CHMP4B: variants seen among roughly 807,000 people sequenced by gnomAD.
CHMP4B encodes charged multivesicular body protein 4B, also known as SNF7 homolog associated with Alix 1.
CHMP4B carries 1 observed loss-of-function variant against 25.1 expected under a neutral mutation model. The observed-to-expected ratio is 0.04, with a 90% CI of 0.01 to 0.19. The LOEUF is 0.19. Ranked by LOEUF, CHMP4B falls within the 10% of genes least tolerant of loss-of-function variation. The pLI, the probability that CHMP4B is intolerant of heterozygous loss-of-function variation, is 1.00. For synonymous variants in CHMP4B, 101 were observed against 115.6 expected, an observed-to-expected ratio of 0.87 and a Z score of 0.81; for missense variants, 151 against 289.7, an observed-to-expected ratio of 0.52 and a Z score of 3.48.
At chr20:33,840,146 T>C (rs1979494935) in intron 1 of CHMP4B, among the ~76,000 whole-genome samples, 1 of 151,832 alleles carries the variant, frequency 6.6e-6, no homozygotes, top group Non-Finnish European at 1.5e-5. Flanking sequence ...CTTGGGAGGC[T>C]GAGGCAGGAG....
At chr20:33,825,930 G>A (rs1457658636) in intron 1 of CHMP4B, among the ~76,000 whole-genome samples, 2 of 152,168 alleles carry the variant, frequency 1.3e-5, no homozygotes, top group Non-Finnish European at 2.9e-5. Context: ...CTAGGGTGGA[G>A]CTGTTTGGTT....
In CHMP4B at chr20:33,850,961, T is replaced by C; in HGVS notation, c.378T>C (p.Asp126=). The C allele has an allele frequency of 3.7e-6, 6 of 1,612,216 alleles. No homozygotes were observed. Among genetic ancestry groups the C allele is most frequent in the Non-Finnish European group, 3.4e-6 (4 of 1,178,254 alleles). ...TCCATTGCATTTGAAGGGACATCGA[T>C]AAAGTTGATGAGTTAATGCAGGACA... The part of the protein sequence containing the change: ...MKAAHDNMDI[D]KVDELMQDIA... Residue 126 remains aspartate, a synonymous_variant, in exon 3 of 5, where the codon GAT becomes GAC. Coordinates refer to ENST00000217402, the MANE Select transcript of CHMP4B (RefSeq NM_176812.5).
chr20:33,823,260 G>A (rs1653044976), intron 1 of CHMP4B, among the ~76,000 whole-genome samples: 1 of 152,044 alleles, frequency 6.6e-6, no homozygotes, highest in Non-Finnish European at 1.5e-5. Context: ...TGTGTGAGTG[G>A]TATTATCCTA....
At chr20:33,833,442 C>T (rs1445313470) in intron 1 of CHMP4B, among the ~76,000 whole-genome samples, 1 of 152,200 alleles carries the variant, frequency 6.6e-6, no homozygotes, top group Non-Finnish European at 1.5e-5. Context: ...AGCCCCTCTG[C>T]TGTGGCCTCA....
At chr20:33,829,455 C>G (rs147245071) in intron 1 of CHMP4B, among the ~76,000 whole-genome samples, 1 of 152,294 alleles carries the variant, frequency 6.6e-6, no homozygotes, top group Non-Finnish European at 1.5e-5. Flanking sequence ...CTTTCTTTGG[C>G]CCCTAGGCTC....
chr20:33,852,512 G>A (rs1334198634), intron 4 of CHMP4B, among the ~76,000 whole-genome samples: 7 of 152,160 alleles, frequency 4.6e-5, no homozygotes, highest in Non-Finnish European at 1.0e-4. Flanking sequence ...CACTGTGGAT[G>A]TTCAGCACCA....
At chr20:33,822,780 TTTTC>T (rs897328842) in intron 1 of CHMP4B, among the ~76,000 whole-genome samples, 16 of 152,208 alleles carry the variant, frequency 1.1e-4, no homozygotes, top group Admixed American at 7.9e-4. Context: ...AGTTAAGTAC[TTTTC>T]TTTCTTTCTT....
intron 1 of CHMP4B, among the ~76,000 whole-genome samples, chr20:33,814,427 T>C (rs1978726116): frequency 6.6e-6 from 1 of 152,084 alleles, no homozygotes; most frequent in Non-Finnish European, 1.5e-5. Context: ...GTACATGGGC[T>C]GAGGCTGCAG....
chr20:33,824,749 T>G (rs748194574), intron 1 of CHMP4B, among the ~76,000 whole-genome samples: 79 of 152,086 alleles, frequency 5.2e-4, no homozygotes, highest in Middle Eastern at 6.8e-3. Context: ...CAGCAGAAGC[T>G]TTGGCCTCTA....
intron 1 of CHMP4B, among the ~76,000 whole-genome samples, chr20:33,817,868 G>A (rs1236975594): frequency 6.6e-6 from 1 of 152,094 alleles, no homozygotes; most frequent in East Asian, 1.9e-4. Flanking sequence ...TGTAGTACTG[G>A]CCTGTTTTTA....
chr20:33,849,868 T>C (rs1240239070), intron 2 of CHMP4B, among the ~76,000 whole-genome samples: 1 of 152,214 alleles, frequency 6.6e-6, no homozygotes, highest in Non-Finnish European at 1.5e-5. Flanking sequence ...CTCAAAATCC[T>C]GGGCTCAAGC....
rs1178294812 is a variant in CHMP4B, at chr20:33,853,675, T to C, written c.*115T>C. 1.3e-6 allele frequency: 1 copy of C among 769,838 alleles called. No homozygotes were observed. Among genetic ancestry groups the C allele is most frequent in the South Asian group, 1.4e-5 (1 of 73,158 alleles). 47.7% of individuals were successfully genotyped at this position (769,838 alleles called of 1,614,324 possible). On this transcript the variant is annotated 3_prime_UTR_variant, in exon 5 of 5. Transcript: ENST00000217402. ...GCAGGCAGGTTCCATCGCTTTCGAC[T>C]CTCACTCCAAAGCAGTAGGGCCGCG...
chr20:33,829,985 T>A (rs1979195079), intron 1 of CHMP4B, among the ~76,000 whole-genome samples: 1 of 152,238 alleles, frequency 6.6e-6, no homozygotes, highest in South Asian at 2.1e-4. Flanking sequence ...AGAGATCATC[T>A]GGGCCCATTC....
intron 1 of CHMP4B, among the ~76,000 whole-genome samples, chr20:33,823,645 C>T (rs1415094342): frequency 6.6e-6 from 1 of 152,216 alleles, no homozygotes; most frequent in East Asian, 1.9e-4. Context: ...TCAAGCACTT[C>T]TCCTGTCTCA....
At chr20:33,849,396 C>T (rs964101853) in intron 2 of CHMP4B, among the ~76,000 whole-genome samples, 5 of 152,066 alleles carry the variant, frequency 3.3e-5, no homozygotes, top group Admixed American at 1.3e-4. Context: ...GTCAGGAGTT[C>T]GAGACCAGCC....
At chr20:33,840,400 T>A (rs373058925) in intron 1 of CHMP4B, among the ~76,000 whole-genome samples, 92 of 152,224 alleles carry the variant, frequency 6.0e-4, no homozygotes, top group Middle Eastern at 3.4e-3. Context: ...ATAGTGATTA[T>A]CTTTCTCGTC....
chr20:33,846,627 A>G (rs916218041), intron 1 of CHMP4B, among the ~76,000 whole-genome samples: 4 of 152,230 alleles, frequency 2.6e-5, no homozygotes, highest in African/African-American at 9.6e-5. Context: ...TCCCTTGGCA[A>G]ATGGTCCTTA....
intron 4 of CHMP4B, among the ~76,000 whole-genome samples, chr20:33,852,431 T>C (rs1979880835): frequency 6.9e-6 from 1 of 145,318 alleles, no homozygotes; most frequent in African/African-American, 2.6e-5. Context: ...TTTCTTAATC[T>C]TGACGCTGTG....
At chr20:33,829,690 T>C (rs1836900240) in intron 1 of CHMP4B, among the ~76,000 whole-genome samples, 1 of 152,180 alleles carries the variant, frequency 6.6e-6, no homozygotes, top group Admixed American at 6.5e-5. Flanking sequence ...CACGTACAGC[T>C]CTGTAGTTGG....
Sources: gnomAD v4.1 joint callset for allele counts (sites outside exome capture counted in the v4.1 genomes callset) on GRCh38, gnomAD v4.1.1 for gene constraint, MANE v1.5 for transcripts, NCBI Gene and HGNC (gene_info 2026-07-23, HGNC 2026-07-21) for gene names.